HCRTR2: variants seen among roughly 807,000 people sequenced by gnomAD.
HCRTR2 encodes the protein hypocretin receptor 2, also known as orexin receptor type 2.
In HCRTR2, 22 loss-of-function variants were observed where a neutral mutation model predicts 49.0. The ratio of observed to expected loss-of-function variants is 0.45; its 90% CI spans 0.32 to 0.64. The LOEUF (loss-of-function observed/expected upper bound fraction) is 0.64. Ranked by LOEUF, HCRTR2 falls within the 30% of genes least tolerant of loss-of-function variation. HCRTR2 has a pLI of 0.04. For missense variants in HCRTR2, 491 were observed against 559.4 expected (o/e 0.88, Z 1.23); for synonymous variants, 236 against 205.3 (o/e 1.15, Z -1.28).
At chr6:55,166,177 A>T (rs1486119457) in intron 1 of HCRTR2, among the ~76,000 whole-genome samples, 1 of 152,076 alleles carries the variant, frequency 6.6e-6, no homozygotes, top group Non-Finnish European at 1.5e-5. Context: ...GATAAATCCC[A>T]CTTGATCATG....
At chr6:55,171,098 G>T (rs926779046), upstream of HCRTR2, among the ~76,000 whole-genome samples, 24 of 152,080 alleles carry the variant, frequency 1.6e-4, no homozygotes, top group Non-Finnish European at 1.0e-4. Flanking sequence ...TATATACCCA[G>T]TAATGGGATG....
intron 1 of HCRTR2, among the ~76,000 whole-genome samples, chr6:55,145,565 C>A (rs1322721531): frequency 6.6e-6 from 1 of 152,024 alleles, no homozygotes; most frequent in African/African-American, 2.4e-5. Context: ...CGCCCGCCAC[C>A]GTGCCTGGCT....
chr6:55,147,201 T>A (rs1222306168), intron 1 of HCRTR2, among the ~76,000 whole-genome samples: 1 of 152,106 alleles, frequency 6.6e-6, no homozygotes, highest in Non-Finnish European at 1.5e-5. Flanking sequence ...ATTTTATTAG[T>A]TATATTTGTA....
intron 1 of HCRTR2, among the ~76,000 whole-genome samples, chr6:55,147,559 A>C (rs1031548076): frequency 1.3e-5 from 2 of 152,162 alleles, no homozygotes; most frequent in Non-Finnish European, 2.9e-5. Flanking sequence ...TGGCTAAGTG[A>C]CACAACCAGC....
chr6:55,261,471 C>A (rs1400044634), intron 3 of HCRTR2, among the ~76,000 whole-genome samples: 1 of 151,828 alleles, frequency 6.6e-6, no homozygotes, highest in Non-Finnish European at 1.5e-5. Flanking sequence ...GTGGCATGAT[C>A]TCAGCTCTCT....
rs181778816 is a variant in HCRTR2, at chr6:55,122,008, C to T, written c.-378+15463C>T. Reference sequence around the variant, plus strand: ...GAGTTAGGGAGGATTCCCTCTTTTTCTATTGATTGGAATAGTTTCAGAAAG... The same window carrying T: ...GAGTTAGGGAGGATTCCCTCTTTTTTTATTGATTGGAATAGTTTCAGAAAG... On this transcript the variant is annotated intron_variant, in intron 1 of 7. Coordinates refer to the HCRTR2 transcript ENST00000615358. 6.2e-3 allele frequency among the ~76,000 whole-genome samples: 944 copies of T among 152,210 alleles called. 14 individuals carry two copies. Among genetic ancestry groups the T allele is most frequent in the African/African-American group, 0.021 (879 of 41,532 alleles).
At chr6:55,250,883 A>G (rs1766536943) in intron 2 of HCRTR2, among the ~76,000 whole-genome samples, 1 of 152,132 alleles carries the variant, frequency 6.6e-6, no homozygotes, top group Non-Finnish European at 1.5e-5. Flanking sequence ...CTACTGGGTA[A>G]CCACATGATG....
chr6:55,233,382 C>G (rs995412855), intron 1 of HCRTR2, among the ~76,000 whole-genome samples: 3 of 152,080 alleles, frequency 2.0e-5, no homozygotes, highest in African/African-American at 7.2e-5. Flanking sequence ...TGAGCCACCA[C>G]GCATGGCCAA....
At chr6:55,244,881 C>G (rs1018180574) in intron 1 of HCRTR2, among the ~76,000 whole-genome samples, 4 of 152,062 alleles carry the variant, frequency 2.6e-5, no homozygotes, top group Admixed American at 2.6e-4. Context: ...CCGCATATGG[C>G]TAATCCAATT....
At chr6:55,279,868 G>A (rs1767154856) in intron 5 of HCRTR2, among the ~76,000 whole-genome samples, 2 of 151,940 alleles carry the variant, frequency 1.3e-5, no homozygotes, top group Admixed American at 6.6e-5. Context: ...GATAGTCCAG[G>A]AAGATTGGAG....
At chr6:55,133,790 G>T (rs965142149) in intron 1 of HCRTR2, among the ~76,000 whole-genome samples, 2 of 151,530 alleles carry the variant, frequency 1.3e-5, no homozygotes, top group South Asian at 4.2e-4. Flanking sequence ...CTACTACTTG[G>T]TTACCTTTAA....
chr6:55,270,068 T>G (rs1766944098), intron 4 of HCRTR2, among the ~76,000 whole-genome samples: 1 of 152,178 alleles, frequency 6.6e-6, no homozygotes, highest in Non-Finnish European at 1.5e-5. Context: ...AAAAGAGAAT[T>G]ATGAATTCAC....
chr6:55,256,709 A>T (rs2127318290), intron 3 of HCRTR2, among the ~76,000 whole-genome samples: 1 of 151,878 alleles, frequency 6.6e-6, no homozygotes, highest in African/African-American at 2.4e-5. Context: ...AAAAAAAATC[A>T]ATGGAAATTT....
chr6:55,136,873 C>A (rs915918907), intron 1 of HCRTR2, among the ~76,000 whole-genome samples: 1 of 152,164 alleles, frequency 6.6e-6, no homozygotes, highest in East Asian at 1.9e-4. Flanking sequence ...GCTGAAGGAG[C>A]TTCTCCACCT....
chr6:55,245,469 T>TTATATA (rs745939954), intron 1 of HCRTR2, among the ~76,000 whole-genome samples: 697 of 56,626 alleles, frequency 0.012, 7 homozygotes, highest in East Asian at 0.053. Flanking sequence ...TAGGAAGATT[T>TTATATA]TATATATATA....
intron 4 of HCRTR2, among the ~76,000 whole-genome samples, chr6:55,268,356 A>T (rs1766901338): frequency 6.6e-6 from 1 of 152,076 alleles, no homozygotes; most frequent in East Asian, 1.9e-4. Flanking sequence ...TTTTCTTAAT[A>T]ATTAGATTAA....
chr6:55,113,676 A>G (rs1764080607), intron 1 of HCRTR2, among the ~76,000 whole-genome samples: 1 of 151,964 alleles, frequency 6.6e-6, no homozygotes, highest in Admixed American at 6.6e-5. Context: ...GTGAAAAGGG[A>G]ACATTTTTAC....
At chr6:55,119,635 T>G (rs1285454096) in intron 1 of HCRTR2, among the ~76,000 whole-genome samples, 2 of 144,518 alleles carry the variant, frequency 1.4e-5, no homozygotes, top group Non-Finnish European at 3.1e-5. Flanking sequence ...TTTTTTTTTT[T>G]GTAAATTTAA....
chr6:55,125,796 G>A (rs1405179515), intron 1 of HCRTR2, among the ~76,000 whole-genome samples: 2 of 147,250 alleles, frequency 1.4e-5, no homozygotes, highest in South Asian at 2.2e-4. Flanking sequence ...ATATTTCTTG[G>A]AGGCTTTGTT....
Sources: allele counts gnomAD v4.1 joint callset (sites outside exome capture counted in the v4.1 genomes callset), GRCh38; gene constraint gnomAD v4.1.1; transcripts MANE v1.5; gene names NCBI Gene and HGNC (gene_info 2026-07-23, HGNC 2026-07-21).